Variants in MMP16 observed in about 807,000 individuals in gnomAD.
MMP16 encodes matrix metallopeptidase 16.
In MMP16, 12 loss-of-function variants were observed where a neutral mutation model predicts 67.8. The ratio of observed to expected loss-of-function variants is 0.18; its 90% confidence interval spans 0.11 to 0.29. The LOEUF is 0.29. Among genes scored for constraint, MMP16 ranks in the 10% least tolerant of loss-of-function variants. The pLI, the probability that MMP16 is intolerant of heterozygous loss-of-function variation, is 1.00. For synonymous variants in MMP16, 249 were observed against 255.9 expected (o/e 0.97, Z 0.26); for missense variants, 475 against 765.7 (o/e 0.62, Z 4.48).
Position 88,199,476 on chromosome 8 carries a change from A to C in MMP16, c.133-2170T>G, listed in dbSNP as rs79671352. Among the ~76,000 whole-genome samples the C allele has an allele frequency of 2.0e-5, 3 of 151,998 alleles. No homozygotes were observed. In the South Asian group the frequency reaches 6.2e-4, roughly 31 times the overall value. The stretch of plus-strand genomic sequence containing the variant: ...TATGAGTTCTACCATTTTATGGTCA[A>C]GGTTTGTTTTCTGGCTAATCAAGAT... On this transcript the variant is annotated intron_variant, in intron 1 of 9. Transcript: ENST00000286614.
chr8:88,164,801 T>G (rs964504332), intron 4 of MMP16, among the ~76,000 whole-genome samples: 2 of 151,762 alleles, frequency 1.3e-5, no homozygotes, highest in Non-Finnish European at 2.9e-5. Context: ...GGACACATAT[T>G]TAACATAATC....
chr8:88,167,640 T>C (rs1391004282), intron 4 of MMP16, 29 bp downstream of exon 4: 7 of 1,539,408 alleles, frequency 4.5e-6, no homozygotes, highest in African/African-American at 2.8e-5. Context: ...AATAGAAATA[T>C]TTACACTGTA....
At chr8:88,296,944 T>TA (rs938360069) in intron 1 of MMP16, among the ~76,000 whole-genome samples, 12 of 151,154 alleles carry the variant, frequency 7.9e-5, no homozygotes, top group Admixed American at 1.3e-4. Flanking sequence ...AATTAAATAA[T>TA]AAAAAAAAGC....
At chr8:88,282,087 G>GT (rs1447400294) in intron 1 of MMP16, among the ~76,000 whole-genome samples, 18 of 148,784 alleles carry the variant, frequency 1.2e-4, no homozygotes, top group African/African-American at 2.3e-4. Context: ...TTTTTTGGGG[G>GT]GGGGGGGGCG....
intron 1 of MMP16, among the ~76,000 whole-genome samples, chr8:88,241,242 G>T (rs1810029087): frequency 6.6e-6 from 1 of 151,968 alleles, no homozygotes; most frequent in African/African-American, 2.4e-5. Flanking sequence ...AAATATTTCA[G>T]AAATTTCATT....
chr8:88,056,400 T>C (rs1808333233), intron 7 of MMP16, 122 bp from the exon 8 acceptor site: 1 of 307,192 alleles, frequency 3.3e-6, no homozygotes. Context: ...ACTAAATATA[T>C]ATTATATTAA....
At chr8:88,309,748 T>C (rs1229688320) in intron 1 of MMP16, among the ~76,000 whole-genome samples, 1 of 152,114 alleles carries the variant, frequency 6.6e-6, no homozygotes, top group Admixed American at 6.6e-5. Flanking sequence ...GAAGGTCTTG[T>C]ATTCTCTGTT....
chr8:88,145,543 A>G (rs1353382712), intron 4 of MMP16, among the ~76,000 whole-genome samples: 2 of 151,972 alleles, frequency 1.3e-5, no homozygotes, highest in Non-Finnish European at 2.9e-5. Context: ...GTTCATACTG[A>G]ACCCTCATAT....
chr8:88,319,805 T>C (rs1811431027), intron 1 of MMP16, among the ~76,000 whole-genome samples: 1 of 152,162 alleles, frequency 6.6e-6, no homozygotes, highest in Admixed American at 6.5e-5. Flanking sequence ...AAACAAATAC[T>C]ATAAGATTCC....
intron 4 of MMP16, among the ~76,000 whole-genome samples, chr8:88,159,650 C>T (rs1365126615): frequency 6.6e-6 from 1 of 152,088 alleles, no homozygotes; most frequent in Non-Finnish European, 1.5e-5. Flanking sequence ...TTGCCCTGGC[C>T]AGAACTTCCA....
intron 1 of MMP16, among the ~76,000 whole-genome samples, chr8:88,241,063 T>G (rs1810025578): frequency 6.6e-6 from 1 of 151,798 alleles, no homozygotes; most frequent in Admixed American, 6.6e-5. Flanking sequence ...ATGTAGCATC[T>G]GGACTAAGTT....
At chr8:88,132,079 C>A (rs1808039437) in intron 4 of MMP16, among the ~76,000 whole-genome samples, 1 of 151,698 alleles carries the variant, frequency 6.6e-6, no homozygotes, top group South Asian at 2.1e-4. Flanking sequence ...TGTTAGTTAT[C>A]CTTACAGTGA....
intron 1 of MMP16, among the ~76,000 whole-genome samples, chr8:88,238,198 A>T (rs10107227): frequency 1.3e-5 from 2 of 152,072 alleles, no homozygotes; most frequent in Non-Finnish European, 2.9e-5. Context: ...GGGAAAATAC[A>T]CACATCAAAG....
intron 1 of MMP16, among the ~76,000 whole-genome samples, chr8:88,263,974 AAGAG>A (rs746178110): frequency 4.5e-5 from 4 of 88,826 alleles, no homozygotes; most frequent in South Asian, 8.0e-4. Flanking sequence ...GAGAGAGAGA[AAGAG>A]AGAGAGAGAG....
chr8:88,284,222 C>A (rs557845774), intron 1 of MMP16, among the ~76,000 whole-genome samples: 62 of 152,304 alleles, frequency 4.1e-4, no homozygotes, highest in Admixed American at 1.2e-3. Flanking sequence ...AATGTCTTAT[C>A]ATGCCAATCT....
intron 1 of MMP16, among the ~76,000 whole-genome samples, chr8:88,315,461 C>G (rs935796843): frequency 1.3e-5 from 2 of 152,052 alleles, no homozygotes; most frequent in Non-Finnish European, 2.9e-5. Flanking sequence ...AACAGAGACC[C>G]AAAAACTCAC....
chr8:88,299,509 C>T (rs541834994), intron 1 of MMP16, among the ~76,000 whole-genome samples: 2 of 152,012 alleles, frequency 1.3e-5, no homozygotes, highest in Non-Finnish European at 2.9e-5. Flanking sequence ...AGCACCACCG[C>T]GACATTCCTA....
chr8:88,268,754 T>C (rs1489924346), intron 1 of MMP16, among the ~76,000 whole-genome samples: 1 of 152,216 alleles, frequency 6.6e-6, no homozygotes, highest in African/African-American at 2.4e-5. Flanking sequence ...ACGGATGCAC[T>C]GTGTGTGTTC....
chr8:88,272,005 G>C (rs1411514988), intron 1 of MMP16, among the ~76,000 whole-genome samples: 1 of 152,172 alleles, frequency 6.6e-6, no homozygotes, highest in Non-Finnish European at 1.5e-5. Context: ...CTATAAAATG[G>C]AGACAACACG....
Sources: allele counts gnomAD v4.1 joint callset (sites outside exome capture counted in the v4.1 genomes callset), GRCh38; gene constraint gnomAD v4.1.1; transcripts MANE v1.5; gene names NCBI Gene and HGNC (gene_info 2026-07-23, HGNC 2026-07-21).